SLC35F4: variants seen among roughly 807,000 people sequenced by gnomAD.
The protein encoded by SLC35F4 is solute carrier family 35 member F4.
In SLC35F4, 24 loss-of-function variants were observed where a neutral mutation model predicts 44.2. The observed-to-expected ratio is 0.54, with a 90% confidence interval of 0.39 to 0.76. The LOEUF (loss-of-function observed/expected upper bound fraction) is 0.76, where lower values mean the gene tolerates loss of function less well. SLC35F4 is among the 30% of genes least tolerant of loss of function. The pLI is 0.00. For missense variants in SLC35F4, 562 were observed against 586.1 expected (o/e 0.96, Z 0.42); for synonymous variants, 238 against 223.6 (o/e 1.06, Z -0.57).
At chr14:57,728,441 CTTTTTTTTTTTT>C (rs869064667) in intron 1 of SLC35F4, among the ~76,000 whole-genome samples, 1 of 59,026 alleles carries the variant, frequency 1.7e-5, no homozygotes, top group Admixed American at 2.7e-4. Context: ...TTCTTTCTTT[CTTTTTTTTTTTT>C]TTTTTTTTTT....
At chr14:57,983,064 T>C (rs982292096), upstream of SLC35F4, among the ~76,000 whole-genome samples, 3 of 152,244 alleles carry the variant, frequency 2.0e-5, no homozygotes, top group African/African-American at 7.2e-5. Flanking sequence ...CAAACCAACC[T>C]GGCTCTGTCT....
At chr14:57,646,070 T>A (rs564238409) in intron 1 of SLC35F4, among the ~76,000 whole-genome samples, 2 of 152,308 alleles carry the variant, frequency 1.3e-5, no homozygotes, top group East Asian at 1.9e-4. Context: ...TCAAGGATAT[T>A]GGCCTAAAAT....
At chr14:57,724,684 G>T (rs958758197) in intron 1 of SLC35F4, among the ~76,000 whole-genome samples, 1 of 152,208 alleles carries the variant, frequency 6.6e-6, no homozygotes, top group African/African-American at 2.4e-5. Context: ...GCCTCATGGG[G>T]AGTTCCCTAT....
chr14:57,648,705 A>C (rs2073650382), intron 1 of SLC35F4, among the ~76,000 whole-genome samples: 1 of 152,194 alleles, frequency 6.6e-6, no homozygotes, highest in African/African-American at 2.4e-5. Context: ...GTGTGTACAA[A>C]GCGTATTTGT....
chr14:57,795,833 T>G (rs1310942576), intron 1 of SLC35F4, among the ~76,000 whole-genome samples: 3 of 152,154 alleles, frequency 2.0e-5, no homozygotes, highest in African/African-American at 7.2e-5. Flanking sequence ...GGGGTACATA[T>G]GCAGGTTTGT....
intron 1 of SLC35F4, among the ~76,000 whole-genome samples, chr14:57,595,160 T>C (rs943800538): frequency 2.6e-5 from 4 of 152,246 alleles, no homozygotes; most frequent in African/African-American, 4.8e-5. Context: ...TGGTCTGATA[T>C]AGTTGTTCAG....
intron 1 of SLC35F4, among the ~76,000 whole-genome samples, chr14:57,734,116 T>C (rs2076410555): frequency 6.6e-6 from 1 of 152,138 alleles, no homozygotes. Flanking sequence ...GAAGTAGCAG[T>C]TGCCCCATCC....
chr14:57,929,762 C>G (rs1314031816), intron 1 of SLC35F4, among the ~76,000 whole-genome samples: 1 of 152,136 alleles, frequency 6.6e-6, no homozygotes, highest in Non-Finnish European at 1.5e-5. Context: ...AAATGTCAGA[C>G]AGCATGAAAC....
chr14:57,575,654 A>G (rs1210541005), intron 4 of SLC35F4, among the ~76,000 whole-genome samples: 1 of 152,240 alleles, frequency 6.6e-6, no homozygotes, highest in Non-Finnish European at 1.5e-5. Flanking sequence ...GGGGTGAGTC[A>G]TTGAAGGAAG....
At chr14:57,645,490 G>A (rs58780304) in intron 1 of SLC35F4, among the ~76,000 whole-genome samples, 4,048 of 152,198 alleles carry the variant, frequency 0.027, 80 homozygotes, top group South Asian at 0.075. Context: ...AGACTTTGCT[G>A]AAGTTGCTTA....
chr14:57,919,744 G>A (rs1889405310), intron 1 of SLC35F4, among the ~76,000 whole-genome samples: 1 of 152,174 alleles, frequency 6.6e-6, no homozygotes, highest in Non-Finnish European at 1.5e-5. Flanking sequence ...AAGGCCAATG[G>A]GAAGCCCAGG....
intron 1 of SLC35F4, among the ~76,000 whole-genome samples, chr14:57,954,532 C>A (rs752031969): frequency 2.6e-5 from 4 of 151,768 alleles, no homozygotes; most frequent in Non-Finnish European, 5.9e-5. Context: ...GCCAGCCAGA[C>A]TAATAAAGAA....
chr14:57,833,280 T>G lies in SLC35F4; in HGVS notation c.103+32443A>C, dbSNP rs17093739. ...ACCCTATCCCTAGCTCTGCACATCC[T>G]GTGACATTAAATGATGCTTGTAAAG... On this transcript the variant is annotated intron_variant, in intron 1 of 7. Coordinates refer to ENST00000556826, the MANE Select transcript of SLC35F4 (RefSeq NM_001306087.2). Among the ~76,000 whole-genome samples the G allele has an allele frequency of 6.7e-3, 1,023 of 152,336 alleles. 11 individuals are homozygous for G. Among genetic ancestry groups the G allele is most frequent in the Middle Eastern group, 0.034 (10 of 294 alleles).
At chr14:57,814,942 G>A (rs751979833) in intron 1 of SLC35F4, among the ~76,000 whole-genome samples, 1 of 152,106 alleles carries the variant, frequency 6.6e-6, no homozygotes, top group Non-Finnish European at 1.5e-5. Context: ...TGACAATTTA[G>A]AACAGGGGTT....
At chr14:57,740,068 C>A (rs1416799601) in intron 1 of SLC35F4, among the ~76,000 whole-genome samples, 1 of 152,026 alleles carries the variant, frequency 6.6e-6, no homozygotes, top group Non-Finnish European at 1.5e-5. Context: ...TCATGTTGGC[C>A]GGGCTGGTCT....
At chr14:57,689,617 C>T (rs1254594956) in intron 1 of SLC35F4, among the ~76,000 whole-genome samples, 1 of 151,708 alleles carries the variant, frequency 6.6e-6, no homozygotes, top group Non-Finnish European at 1.5e-5. Context: ...CTACCTATTG[C>T]TTTAAAGACT....
At chr14:57,883,762 A>C (rs1324907207) in intron 1 of SLC35F4, among the ~76,000 whole-genome samples, 1 of 152,196 alleles carries the variant, frequency 6.6e-6, no homozygotes, top group Non-Finnish European at 1.5e-5. Flanking sequence ...GAGATGGCAG[A>C]GATGAAAATC....
At chr14:57,712,224 G>C (rs948443348) in intron 1 of SLC35F4, among the ~76,000 whole-genome samples, 1 of 152,156 alleles carries the variant, frequency 6.6e-6, no homozygotes, top group Non-Finnish European at 1.5e-5. Context: ...TGTGTTCTCT[G>C]CTACTGAATC....
intron 1 of SLC35F4, among the ~76,000 whole-genome samples, chr14:57,655,422 T>G (rs4901807): frequency 0.62 from 93,815 of 151,714 alleles, 29,202 homozygotes; most frequent in South Asian, 0.71. Flanking sequence ...ATACCCACGT[T>G]GTCTAGGGTA....
Sources: allele counts gnomAD v4.1 joint callset (sites outside exome capture counted in the v4.1 genomes callset), GRCh38; gene constraint gnomAD v4.1.1; transcripts MANE v1.5; gene names NCBI Gene and HGNC (gene_info 2026-07-23, HGNC 2026-07-21).